The following CXXC1 variants were observed in gnomAD, a reference collection of about 807,000 sequenced individuals.
The protein encoded by CXXC1 is CXXC-type zinc finger protein 1.
CXXC1 carries 21 observed loss-of-function variants against 83.6 expected under a neutral mutation model. The ratio of observed to expected loss-of-function variants is 0.25; its 90% CI spans 0.18 to 0.36. The LOEUF (loss-of-function observed/expected upper bound fraction) is 0.36. Among genes scored for constraint, CXXC1 ranks in the 10% least tolerant of loss-of-function variants. The probability of loss-of-function intolerance (pLI) is 1.00; values close to 1 mark genes in which losing one functional copy is unlikely to be tolerated. For synonymous variants in CXXC1, 371 were observed against 337.5 expected, an observed-to-expected ratio of 1.10 and a Z score of -1.09; for missense variants, 688 against 919.5, an observed-to-expected ratio of 0.75 and a Z score of 3.26.
rs3753065 is a variant in CXXC1, at chr18:50,287,620, C to T, written c.-31G>A. 1.2e-6 allele frequency: 2 copies of T among 1,609,578 alleles called. No individual in the cohort carries two copies. The highest frequency in any genetic ancestry group is 2.2e-5 in the South Asian group (2 of 91,070). On this transcript the variant is annotated 5_prime_UTR_variant, in exon 1 of 15. Transcript: ENST00000285106. ...CGCTCCCGGCGCACTCCCTCACGAC[C>T]CCCGCCAGCGACCCGCGAACCTGCA...
intron 1 of CXXC1, 183 bp downstream of exon 1, chr18:50,287,404 G>GCCCCCCACCGTGGCTCACCATAGAACTC: frequency 1.5e-6 from 1 of 673,096 alleles, no homozygotes; most frequent in Non-Finnish European, 2.5e-6. Context: ...CTATTAAGGA[G>GCCCCCCACCGTGGCTCACCATAGAACTC]CCCCCCACCG....
chr18:50,284,791 G>A lies in CXXC1; in HGVS notation c.961C>T (p.Arg321Trp), dbSNP rs768092893. 9.3e-6 allele frequency: 15 copies of A among 1,614,020 alleles called. No individual in the cohort carries two copies. Among genetic ancestry groups the A allele is most frequent in the South Asian group, 7.7e-5 (7 of 91,074 alleles). The part of the protein sequence containing the change: ...EESPFLDPAL[R>W]KRAVKVKHVK... ...TGCTTCACTTTCACTGCCCTCTTCC[G>A]CAGCGCGGGGTCCAGGAATGGGGAC... The change falls in exon 8 of 15, where the codon CGG (arginine) becomes TGG (tryptophan). Residue 321 changes from arginine (R) to tryptophan (W), a missense_variant. By Grantham distance (101) the Arg-to-Trp change is moderately radical. Coordinates refer to ENST00000285106, the MANE Select transcript of CXXC1 (RefSeq NM_014593.4).
In CXXC1 at chr18:50,286,118, C is replaced by G. The variant is rs751828656; in HGVS notation, c.363G>C (p.Arg121=). The G allele has an allele frequency of 6.2e-7, 1 of 1,614,012 alleles. No homozygotes were observed. ...CCCCAACCCCTGTCCCTGACCCTGCCCGGCGCTGCAGGTCTGGATCAGGGA... is the reference window on the plus strand; with the variant it reads ...CCCCAACCCCTGTCCCTGACCCTGCGCGGCGCTGCAGGTCTGGATCAGGGA... ...RPVPDPDLQR[R]AGSGTGVGAM... Residue 121 remains arginine, a synonymous_variant, in exon 4 of 15, where the codon CGG becomes CGC. Transcript: ENST00000285106.
rs3753065 is a variant in CXXC1 at position 50,287,620 on chromosome 18, C to A, written c.-31G>T. 4.6e-3 allele frequency: 7,393 copies of A among 1,609,498 alleles called. 193 individuals carry two copies. The East Asian group carries it at 0.073, about 16-fold the overall frequency. The stretch of plus-strand genomic sequence containing the variant: ...CGCTCCCGGCGCACTCCCTCACGAC[C>A]CCCGCCAGCGACCCGCGAACCTGCA... On this transcript the variant is annotated 5_prime_UTR_variant, in exon 1 of 15. Transcript: ENST00000285106.
intron 13 of CXXC1, 101 bp from the exon 14 acceptor site, chr18:50,283,107 C>T (rs937023768): frequency 1.4e-5 from 20 of 1,399,092 alleles, no homozygotes; most frequent in Middle Eastern, 1.8e-4. Flanking sequence ...GTTCAGGGAA[C>T]GGTGAGGAGG....
At position 50,283,921 on chromosome 18, in the gene CXXC1, C is replaced by T; in HGVS notation, c.1386G>A (p.Lys462=). 1.9e-6 allele frequency: 3 copies of T among 1,614,118 alleles called. No individual in the cohort carries two copies. The highest frequency in any genetic ancestry group is 2.5e-6 in the Non-Finnish European group (3 of 1,180,044). ...CCTCATCCTCGCGCACAGCCTGCTG[C>T]TTGGCACGTAGAATGATGGCCTCAA... ...HELEAIILRA[K]QQAVREDEES... The change falls in exon 10 of 15, where the codon AAG becomes AAA. Residue 462 remains lysine (K), a synonymous_variant. Coordinates refer to ENST00000285106, the MANE Select transcript of CXXC1 (RefSeq NM_014593.4).
At position 50,287,604 on chromosome 18, in the gene CXXC1, C is replaced by G; in HGVS notation, c.-15G>C. On this transcript the variant is annotated 5_prime_UTR_variant, in exon 1 of 15. Transcript: ENST00000285106. ...CTACTTACCATATCTCCGCTCCCGGCGCACTCCCTCACGACCCCCGCCAGC... is the reference window on the plus strand; with the variant it reads ...CTACTTACCATATCTCCGCTCCCGGGGCACTCCCTCACGACCCCCGCCAGC... The G allele has an allele frequency of 6.2e-7, 1 of 1,611,054 alleles. No homozygotes were observed. The highest frequency in any genetic ancestry group is 8.5e-7 in the Non-Finnish European group (1 of 1,179,820).
In CXXC1 at chr18:50,282,513, T is replaced by C. The variant is rs888214286; in HGVS notation, c.*80A>G. On this transcript the variant is annotated 3_prime_UTR_variant, in exon 15 of 15. Transcript: ENST00000285106. The surrounding 1 kb of genome is among the most constrained non-coding windows in gnomAD (Gnocchi z 5.8). ...GCACAGGGAGAACCGGAGAAACAGA[T>C]GAGTGGAGGAACGGACACACGGGCA... 1.3e-6 allele frequency: 2 copies of C among 1,537,420 alleles called. No homozygotes were observed. The highest frequency in any genetic ancestry group is 1.4e-5 in the African/African-American group (1 of 73,700).
Position 50,283,801 on chromosome 18 carries a change from G to A in CXXC1, c.1428C>T (p.Asp476=), listed in dbSNP as rs1237736504. The A allele has an allele frequency of 1.2e-6, 2 of 1,614,216 alleles. No individual in the cohort carries two copies. The highest frequency in any genetic ancestry group is 2.2e-5 in the East Asian group (1 of 44,884). ...AGATCTGCAGGTCTGTGTCATCACT[G>A]TCACCCTCGTTGCTCTGCATGGAAT... ...VREDEESNEG[D]SDDTDLQIFC... is the part of the protein sequence containing the mutation. The change falls in exon 11 of 15, where the codon GAC becomes GAT. Residue 476 remains aspartate, a synonymous_variant. Transcript: ENST00000285106.
Position 50,285,419 on chromosome 18 carries a change from C to T in CXXC1, c.640-68G>A, listed in dbSNP as rs1395037305. On this transcript the variant is annotated intron_variant, in intron 5 of 14. Coordinates refer to ENST00000285106, the MANE Select transcript of CXXC1 (RefSeq NM_014593.4). The surrounding 1 kb of genome is among the most constrained non-coding windows in gnomAD (Gnocchi z 4.4). ...GGAGGGCGGCCTTGCCCTAGCCCTA[C>T]CCACCTGGCCTGGCCTTACCTCCCC... 6.6e-7 allele frequency: 1 copy of T among 1,521,690 alleles called. No individual in the cohort carries two copies. Among genetic ancestry groups the T allele is most frequent in the Non-Finnish European group, 8.8e-7 (1 of 1,135,794 alleles). The allele number at this position is 1,521,690 out of a possible 1,614,324, so 94.3% of individuals were successfully genotyped here.
chr18:50,283,455 A>T, intron 12 of CXXC1, 60 bp downstream of exon 12: 1 of 1,607,308 alleles, frequency 6.2e-7, no homozygotes, highest in Non-Finnish European at 8.5e-7. Context: ...CTCCACACAC[A>T]TCCCACTTCT....
chr18:50,287,564 C>T, intron 1 of CXXC1, 23 bp downstream of exon 1: 1 of 1,612,424 alleles, frequency 6.2e-7, no homozygotes, highest in East Asian at 2.2e-5. Flanking sequence ...ACCGCCGAAC[C>T]CCTCCCTGGA....
In CXXC1 at chr18:50,286,220, C is replaced by T. The variant is rs1239034155; in HGVS notation, c.261G>A (p.Lys87=). Reference sequence around the variant, plus strand: ...CATTGCCATCCCGCTCCCGTGACTTCTTGTGCCGATAGCGAATCTCTAGCT... The same window carrying T: ...CATTGCCATCCCGCTCCCGTGACTTTTTGTGCCGATAGCGAATCTCTAGCT... ...DPKLEIRYRH[K]KSRERDGNER... The change falls in exon 4 of 15, where the codon AAG becomes AAA. Residue 87 remains lysine (K), a synonymous_variant. Transcript: ENST00000285106. 6.2e-7 allele frequency: 1 copy of T among 1,612,378 alleles called. No individual in the cohort carries two copies. The highest frequency in any genetic ancestry group is 8.5e-7 in the Non-Finnish European group (1 of 1,179,696).
In CXXC1 at chr18:50,287,616, C is replaced by G. The variant is rs377707811; in HGVS notation, c.-27G>C. The stretch of plus-strand genomic sequence containing the variant: ...TCTCCGCTCCCGGCGCACTCCCTCA[C>G]GACCCCCGCCAGCGACCCGCGAACC... On this transcript the variant is annotated 5_prime_UTR_variant, in exon 1 of 15. Coordinates refer to ENST00000285106, the MANE Select transcript of CXXC1 (RefSeq NM_014593.4). The G allele has an allele frequency of 1.1e-4, 177 of 1,609,952 alleles. 3 individuals are homozygous for G. The South Asian group carries it at 1.7e-3, about 15-fold the overall frequency.
chr18:50,283,479 A>T, intron 12 of CXXC1, 36 bp downstream of exon 12: 1 of 1,595,686 alleles, frequency 6.3e-7, no homozygotes, highest in African/African-American at 1.3e-5. Flanking sequence ...CCCCGCCTTA[A>T]CCCCCCACCT....
At position 50,285,637 on chromosome 18, in the gene CXXC1, G is replaced by A. The variant is rs1055694917; in HGVS notation, c.639+112C>T. 4.5e-6 allele frequency: 6 copies of A among 1,344,912 alleles called. No homozygotes were observed. The African/African-American group carries it at 7.2e-5, about 16-fold the overall frequency. The allele number at this position is 1,344,912 out of a possible 1,614,324, so 83.3% of individuals were successfully genotyped here. On this transcript the variant is annotated intron_variant, in intron 5 of 14. Coordinates refer to ENST00000285106, the MANE Select transcript of CXXC1 (RefSeq NM_014593.4). This position sits in a 1 kb window ranked among gnomAD's most constrained non-coding sequence, Gnocchi z 4.4. ...TGACAGGCCCCTTCCCACCTGTCAG[G>A]ATACAGTCAGGCCCAATCCCACCTG...
At chr18:50,284,662 G>A in intron 8 of CXXC1, 70 bp downstream of exon 8, 1 of 1,609,342 alleles carries the variant, frequency 6.2e-7, no homozygotes, top group Non-Finnish European at 8.5e-7. Context: ...GCCCCATTCA[G>A]CCTCTGACCT....
chr18:50,283,224 G>C (rs1479415504), intron 13 of CXXC1, 41 bp downstream of exon 13: 1 of 1,533,658 alleles, frequency 6.5e-7, no homozygotes. Context: ...AGCGAGGCAG[G>C]GAGGAGGGGC....
Position 50,285,343 on chromosome 18 carries a change from G to T in CXXC1, c.648C>A (p.Tyr216Ter), listed in dbSNP as rs1280048736. 6.3e-7 allele frequency: 1 copy of T among 1,596,624 alleles called. No individual in the cohort carries two copies. Among genetic ancestry groups the T allele is most frequent in the Non-Finnish European group, 8.5e-7 (1 of 1,170,250 alleles). The change falls in exon 6 of 15, where the codon TAC (tyrosine) becomes TAA (stop). Residue 216 changes from tyrosine (Y) to a stop codon, truncating the protein, a stop_gained. Transcript: ENST00000285106. LOFTEE classifies it high-confidence loss of function. The surrounding 1 kb of genome is among the most constrained non-coding windows in gnomAD (Gnocchi z 4.4). Reference protein sequence around the residue: ...RQCQLRARESYKYFPSSLSPV... With the variant: ...RQCQLRARES Reference sequence around the variant, plus strand: ...GACTCACCGAGGAAGGGAAGTACTTGTACGATTCCTGTGCCGGCAGGAGGA... The same window carrying T: ...GACTCACCGAGGAAGGGAAGTACTTTTACGATTCCTGTGCCGGCAGGAGGA...
Sources: gnomAD v4.1 joint callset for allele counts on GRCh38, gnomAD v4.1.1 for gene constraint, Gnocchi (gnomAD v3.1) non-coding constraint, MANE v1.5 for transcripts, NCBI Gene and HGNC (gene_info 2026-07-23, HGNC 2026-07-21) for gene names.